The following ENTREP2 variants were observed in gnomAD, a reference collection of about 807,000 sequenced individuals.
The protein encoded by ENTREP2 is protein ENTREP2.
chr15:29,287,985 C>A, the ENTREP2 span, among the ~76,000 whole-genome samples: 6 of 152,182 alleles, frequency 3.9e-5, no homozygotes, highest in African/African-American at 1.4e-4. Context: ...TGGCACTGCA[C>A]AGCTGTGGGG....
chr15:29,452,123 T>C, the ENTREP2 span, among the ~76,000 whole-genome samples: 1 of 152,218 alleles, frequency 6.6e-6, no homozygotes, highest in Non-Finnish European at 1.5e-5. Flanking sequence ...ATTAATTCCC[T>C]AAGCCAAACC....
At chr15:29,421,478 C>A in the ENTREP2 span, among the ~76,000 whole-genome samples, 1 of 152,076 alleles carries the variant, frequency 6.6e-6, no homozygotes, top group Non-Finnish European at 1.5e-5. Flanking sequence ...CGTAGTAAGT[C>A]CCAGGGAAAA....
the ENTREP2 span, among the ~76,000 whole-genome samples, chr15:29,367,089 T>A: frequency 6.6e-6 from 1 of 152,240 alleles, no homozygotes; most frequent in Non-Finnish European, 1.5e-5. Flanking sequence ...CTCTGGAAAT[T>A]AACCAAAGGC....
chr15:29,377,745 C>T, the ENTREP2 span, among the ~76,000 whole-genome samples: 2 of 151,254 alleles, frequency 1.3e-5, no homozygotes, highest in South Asian at 2.1e-4. Context: ...CGCTTGAACC[C>T]GGGTGGCAGA....
At chr15:29,604,672 A>T in the ENTREP2 span, among the ~76,000 whole-genome samples, 1 of 152,206 alleles carries the variant, frequency 6.6e-6, no homozygotes, top group Non-Finnish European at 1.5e-5. Flanking sequence ...GTGGAACTTA[A>T]CCAAAATATT....
the ENTREP2 span, among the ~76,000 whole-genome samples, chr15:29,497,842 A>G: frequency 6.6e-6 from 1 of 151,706 alleles, no homozygotes; most frequent in African/African-American, 2.4e-5. Flanking sequence ...TTCTTTTTCT[A>G]GTTTCTCAAT....
At chr15:29,655,423 CTA>C in the ENTREP2 span, among the ~76,000 whole-genome samples, 6 of 152,316 alleles carry the variant, frequency 3.9e-5, no homozygotes, top group Non-Finnish European at 5.9e-5. Flanking sequence ...GCTCCCATCT[CTA>C]TGTAAAACGC....
At chr15:29,515,394 T>G in the ENTREP2 span, among the ~76,000 whole-genome samples, 1 of 152,222 alleles carries the variant, frequency 6.6e-6, no homozygotes, top group Admixed American at 6.5e-5. Flanking sequence ...CCTCTGACTC[T>G]CTGTTAAGAC....
the ENTREP2 span, among the ~76,000 whole-genome samples, chr15:29,537,528 G>C: frequency 6.6e-6 from 1 of 152,156 alleles, no homozygotes; most frequent in East Asian, 1.9e-4. Context: ...TACAGTACAT[G>C]CAAATCCAAC....
the ENTREP2 span, among the ~76,000 whole-genome samples, chr15:29,439,035 C>A: frequency 2.0e-5 from 3 of 152,110 alleles, no homozygotes; most frequent in Non-Finnish European, 4.4e-5. Context: ...ATGATGAGAA[C>A]TGGCAATACA....
the ENTREP2 span, among the ~76,000 whole-genome samples, chr15:29,535,956 G>A: frequency 6.6e-6 from 1 of 152,088 alleles, no homozygotes. Context: ...TTCCCCAAAG[G>A]CAGGGAGGCA....
chr15:29,574,931 CT>C, the ENTREP2 span, among the ~76,000 whole-genome samples: 2 of 152,068 alleles, frequency 1.3e-5, no homozygotes. Flanking sequence ...ACCAGGGGGA[CT>C]TTTTTTAAGT....
At chr15:29,342,033 T>C in the ENTREP2 span, among the ~76,000 whole-genome samples, 1 of 152,204 alleles carries the variant, frequency 6.6e-6, no homozygotes, top group Non-Finnish European at 1.5e-5. Flanking sequence ...AGAGGGGTAA[T>C]GTTGCAAGTA....
the ENTREP2 span, chr15:29,610,377 T>C: frequency 6.6e-6 from 1 of 150,464 alleles, no homozygotes; most frequent in Non-Finnish European, 1.5e-5. Flanking sequence ...GCACCCAAGG[T>C]TTTCTGTAAA....
chr15:29,435,133 G>C, the ENTREP2 span, among the ~76,000 whole-genome samples: 3 of 152,028 alleles, frequency 2.0e-5, no homozygotes, highest in Non-Finnish European at 4.4e-5. Flanking sequence ...CATCCTGCTT[G>C]ACAAACGTGT....
the ENTREP2 span, among the ~76,000 whole-genome samples, chr15:29,505,166 C>T: frequency 6.6e-3 from 1,002 of 152,382 alleles, 5 homozygotes; most frequent in African/African-American, 0.023. The surrounding 1 kb of genome is among the most constrained non-coding windows in gnomAD (Gnocchi z 4.3). Context: ...GAGCCCACCC[C>T]AGTGCCACAA....
the ENTREP2 span, among the ~76,000 whole-genome samples, chr15:29,396,463 A>G: frequency 5.3e-5 from 8 of 152,104 alleles, no homozygotes; most frequent in East Asian, 1.4e-3. Flanking sequence ...TGTGTTCTTT[A>G]CTTTTTTGTT....
chr15:29,655,959 A>G, the ENTREP2 span, among the ~76,000 whole-genome samples: 1 of 142,944 alleles, frequency 7.0e-6, no homozygotes, highest in Non-Finnish European at 1.5e-5. Flanking sequence ...TGGGAAGCGG[A>G]GGTTGCAGTG....
chr15:29,199,909 CTT>C, the ENTREP2 span, among the ~76,000 whole-genome samples: 1 of 152,142 alleles, frequency 6.6e-6, no homozygotes, highest in Non-Finnish European at 1.5e-5. Flanking sequence ...AGATATGAGA[CTT>C]GGGATGAGGT....
Sources: gnomAD v4.1 joint callset for allele counts (sites outside exome capture counted in the v4.1 genomes callset) on GRCh38, gnomAD v4.1.1 for gene constraint, Gnocchi (gnomAD v3.1) non-coding constraint, MANE v1.5 for transcripts, NCBI Gene and HGNC (gene_info 2026-07-23, HGNC 2026-07-21) for gene names.